ATXN7: variants seen among roughly 807,000 people sequenced by gnomAD.
The protein encoded by ATXN7 is ataxin-7.
In ATXN7, 12 loss-of-function variants were observed where a neutral mutation model predicts 70.5. The ratio of observed to expected loss-of-function variants is 0.17; its 90% CI spans 0.11 to 0.28. ATXN7 has a LOEUF of 0.28. ATXN7 is among the 10% of genes least tolerant of loss of function. ATXN7 has a pLI of 1.00. For missense variants in ATXN7, 1,256 were observed against 1,131.7 expected (o/e 1.11, Z -1.58); for synonymous variants, 498 against 448.7 (o/e 1.11, Z -1.39).
chr3:63,869,869 C>T (rs1702545102), intron 1 of ATXN7, among the ~76,000 whole-genome samples: 1 of 152,148 alleles, frequency 6.6e-6, no homozygotes, highest in Admixed American at 6.6e-5. Context: ...ATCTTGATGA[C>T]CTATTGGACT....
At chr3:63,967,285 G>A (rs1189929585) in intron 5 of ATXN7, among the ~76,000 whole-genome samples, 1 of 152,162 alleles carries the variant, frequency 6.6e-6, no homozygotes. Context: ...CTGGACAAAT[G>A]TGGATATGAA....
At chr3:63,882,753 A>G (rs1293296584) in intron 1 of ATXN7, among the ~76,000 whole-genome samples, 2 of 152,104 alleles carry the variant, frequency 1.3e-5, no homozygotes, top group South Asian at 4.1e-4. Context: ...AGGTGCTGAC[A>G]TTTTTAAAGA....
At chr3:63,912,089 G>A (rs1364038485) in intron 2 of ATXN7, 3 of 152,372 alleles carry the variant, frequency 2.0e-5, no homozygotes, top group African/African-American at 7.2e-5. Context: ...CCGCTTAAGG[G>A]AGCCGGCCGG....
rs1320309275 is a variant in ATXN7 at position 63,995,557 on chromosome 3, C to T, written c.1735C>T (p.His579Tyr). 4 of 1,614,038 alleles carry T rather than the reference C, an allele frequency of 2.5e-6. No individual in the cohort carries two copies. Among genetic ancestry groups the T allele is most frequent in the South Asian group, 1.1e-5 (1 of 91,086 alleles). ...TTSPISTRIP[H>Y]RTNSVPTSQC... ...CTCACCCATCTCCACACGTATTCCT[C>T]ACCGGACAAACTCTGTGCCGACATC... Residue 579 changes from histidine (H) to tyrosine (Y), a missense_variant, in exon 12 of 13, where the codon CAC (histidine) becomes TAC (tyrosine). Physicochemically the swap from His to Tyr is moderately conservative, Grantham distance 83 (BLOSUM62 2). Transcript: ENST00000674280.
intron 4 of ATXN7, among the ~76,000 whole-genome samples, chr3:63,924,497 C>A (rs535531316): frequency 1.3e-5 from 2 of 152,232 alleles, no homozygotes; most frequent in South Asian, 4.2e-4. Flanking sequence ...TTGGGTCCCT[C>A]CACAGTGAGG....
chr3:63,999,334 A>G (rs980775144), intron 12 of ATXN7, 116 bp from the exon 13 acceptor site: 15 of 840,412 alleles, frequency 1.8e-5, no homozygotes, highest in Non-Finnish European at 2.6e-5. Context: ...CACTCAGTCA[A>G]TGGAGACTTT....
At chr3:63,913,098 G>A (rs894084261) in intron 3 of ATXN7, 59 bp from the exon 4 acceptor site, 4 of 1,543,818 alleles carry the variant, frequency 2.6e-6, no homozygotes, top group African/African-American at 1.4e-5. Flanking sequence ...GTGAGTGTGC[G>A]TCACACTCCT....
intron 4 of ATXN7, among the ~76,000 whole-genome samples, chr3:63,930,818 C>T (rs1244296399): frequency 1.3e-5 from 2 of 152,202 alleles, no homozygotes; most frequent in Admixed American, 6.5e-5. Context: ...GCATGAGCCA[C>T]CGCACCCGGC....
At chr3:63,957,922 A>C (rs933184474) in intron 5 of ATXN7, among the ~76,000 whole-genome samples, 4 of 152,202 alleles carry the variant, frequency 2.6e-5, no homozygotes, top group African/African-American at 9.6e-5. Flanking sequence ...TTAGAATCTC[A>C]TGTTGATCTG....
In ATXN7 at chr3:63,989,793, A is replaced by C. The variant is rs1274373268; in HGVS notation, c.1362-383A>C. On this transcript the variant is annotated intron_variant, in intron 9 of 12. Transcript: ENST00000674280. ...AATTCCCCATGGATACCGAGGGACA[A>C]CTATGTTTCATTTATTGTGTAGGTA... is the stretch of plus-strand genomic sequence containing the variant. Among the ~76,000 whole-genome samples the C allele has an allele frequency of 2.6e-5, 4 of 152,210 alleles. No homozygotes were observed. In the South Asian group the frequency reaches 8.3e-4, roughly 31 times the overall value.
At chr3:63,866,006 G>A (rs1702413677) in intron 1 of ATXN7, among the ~76,000 whole-genome samples, 1 of 149,286 alleles carries the variant, frequency 6.7e-6, no homozygotes, top group Admixed American at 6.8e-5. Context: ...AACAGTGTCA[G>A]TGATTTAAAA....
At chr3:63,921,708 G>A (rs1327254171) in intron 4 of ATXN7, among the ~76,000 whole-genome samples, 1 of 152,240 alleles carries the variant, frequency 6.6e-6, no homozygotes, top group South Asian at 2.1e-4. Context: ...AATTAAGCCT[G>A]GGCTCAAATC....
chr3:63,928,528 A>C (rs959588734), intron 4 of ATXN7, among the ~76,000 whole-genome samples: 2 of 152,212 alleles, frequency 1.3e-5, no homozygotes, highest in Non-Finnish European at 2.9e-5. Context: ...TTCTTTGAGC[A>C]CTTACTGTGT....
rs777062521 is a variant in ATXN7, at chr3:63,990,386, G to A, written c.1560+12G>A. 5.0e-6 allele frequency: 8 copies of A among 1,613,876 alleles called. No homozygotes were observed. Among genetic ancestry groups the A allele is most frequent in the East Asian group, 2.2e-5 (1 of 44,876 alleles). Reference sequence around the variant, plus strand: ...CTCAGCCAGCATCTGTAAGTTCCACGTCCACCCCCGCGTTGACCCTCCCCA... The same window carrying A: ...CTCAGCCAGCATCTGTAAGTTCCACATCCACCCCCGCGTTGACCCTCCCCA... On this transcript the variant is annotated intron_variant, in intron 10 of 12. Transcript: ENST00000674280.
At chr3:63,990,543 G>A in intron 10 of ATXN7, 169 bp downstream of exon 10, 1 of 1,142,236 alleles carries the variant, frequency 8.8e-7, no homozygotes, top group South Asian at 1.5e-5. Flanking sequence ...CTGTACGGGG[G>A]ACATCTCGTG....
intron 4 of ATXN7, among the ~76,000 whole-genome samples, chr3:63,949,293 A>G (rs1248430654): frequency 6.6e-6 from 1 of 150,524 alleles, no homozygotes; most frequent in East Asian, 1.9e-4. Context: ...CATTTTATTT[A>G]AATTATTTTG....
intron 8 of ATXN7, among the ~76,000 whole-genome samples, chr3:63,986,723 G>A (rs1011101292): frequency 1.1e-4 from 17 of 152,166 alleles, no homozygotes; most frequent in African/African-American, 3.4e-4. Context: ...ACATTTGTCT[G>A]TGCCAGGTTA....
chr3:63,967,832 T>C, intron 5 of ATXN7: 1 of 1,523,884 alleles, frequency 6.6e-7, no homozygotes, highest in Middle Eastern at 1.7e-4. Context: ...TGGAGCATAT[T>C]TGGAGTTGGT....
chr3:63,979,177 T>G (rs2106750039), intron 5 of ATXN7, among the ~76,000 whole-genome samples: 1 of 152,360 alleles, frequency 6.6e-6, no homozygotes, highest in Middle Eastern at 3.4e-3. Flanking sequence ...AGCTAAACCT[T>G]TGTAGTCTGT....
Sources: allele counts gnomAD v4.1 joint callset (sites outside exome capture counted in the v4.1 genomes callset), GRCh38; gene constraint gnomAD v4.1.1; transcripts MANE v1.5; gene names NCBI Gene and HGNC (gene_info 2026-07-23, HGNC 2026-07-21).